Variants in ACP1 observed in about 807,000 individuals in gnomAD.
ACP1 encodes the protein low molecular weight phosphotyrosine protein phosphatase.
Under a neutral mutation model 23.4 loss-of-function variants are expected in ACP1, and 23 were observed. That is an observed-to-expected ratio of 0.98 (90% CI 0.71 to 1.39). The LOEUF is 1.39. ACP1 is among the 40% of genes most tolerant of loss of function. The pLI is 0.00. For synonymous variants in ACP1, 72 were observed against 67.2 expected, an observed-to-expected ratio of 1.07 and a Z score of -0.35; for missense variants, 180 against 197.7, an observed-to-expected ratio of 0.91 and a Z score of 0.54.
rs11691572 is a variant in ACP1, at chr2:264,985, G to C, written c.21G>C (p.Lys7Asn). 1.9e-6 allele frequency: 3 copies of C among 1,613,178 alleles called. No homozygotes were observed. Among genetic ancestry groups the C allele is most frequent in the South Asian group, 2.2e-5 (2 of 90,950 alleles). Reference sequence around the variant, plus strand: ...GGAAGATGGCGGAACAGGCTACCAAGTCCGTGCTGTTTGTGTGTCTGGGTA... The same window carrying C: ...GGAAGATGGCGGAACAGGCTACCAACTCCGTGCTGTTTGTGTGTCTGGGTA... Reference protein sequence around the residue: MAEQATKSVLFVCLGNI... With the variant: MAEQATNSVLFVCLGNI... The change falls in exon 1 of 6, where the codon AAG becomes AAC. Residue 7 changes from lysine (K) to asparagine (N), a missense_variant. By Grantham distance (94) the Lys-to-Asn change is moderately conservative (BLOSUM62 0). Around this residue, in one of 3 missense-constraint regions of ACP1, gnomAD observed 132 missense variants for 124.1 expected, o/e 1.06. Transcript: ENST00000272065.
intron 1 of ACP1, chr2:266,261 T>A (rs1669878642): frequency 6.6e-6 from 1 of 152,240 alleles, no homozygotes. Context: ...TTGTAGAAGT[T>A]AACTTCTGTG....
Position 272,170 on chromosome 2 carries a change from A to G in ACP1, c.231+20A>G. ...CGGCAGGTACCGTCCTTGGACTTGAAGTTGTGTGTTTTGTGTTTCAGTGGG... is the reference window on the plus strand; with the variant it reads ...CGGCAGGTACCGTCCTTGGACTTGAGGTTGTGTGTTTTGTGTTTCAGTGGG... On this transcript the variant is annotated intron_variant, in intron 3 of 5. Coordinates refer to ENST00000272065, the MANE Select transcript of ACP1 (RefSeq NM_004300.4). 2 of 1,614,086 alleles carry G rather than the reference A, an allele frequency of 1.2e-6. No homozygotes were observed. Among genetic ancestry groups the G allele is most frequent in the Non-Finnish European group, 1.7e-6 (2 of 1,180,018 alleles).
intron 4 of ACP1, 186 bp downstream of exon 4, chr2:275,387 T>C (rs1437194263): frequency 1.1e-5 from 4 of 375,260 alleles, no homozygotes; most frequent in Admixed American, 4.4e-5. Context: ...CTTAGGTATT[T>C]ACAAGGAAAT....
rs1456671669 is a variant in ACP1 at position 278,180 on chromosome 2, A to G, written c.*876A>G. 6.6e-6 allele frequency: 1 copy of G among 152,254 alleles called. No individual in the cohort carries two copies. Among genetic ancestry groups the G allele is most frequent in the Non-Finnish European group, 1.5e-5 (1 of 68,044 alleles). 9.4% of individuals were successfully genotyped at this position (152,254 alleles called of 1,614,324 possible). A position where few individuals can be genotyped will look rare whatever the true frequency, so the allele number is the denominator to read the frequency against. ...TTCTTCATCAGCATTTAATAAATGT[A>G]TAGGCAGATGTAAGGTAATTTCTGT... On this transcript the variant is annotated 3_prime_UTR_variant, in exon 6 of 6. Coordinates refer to ENST00000272065, the MANE Select transcript of ACP1 (RefSeq NM_004300.4).
In ACP1 at chr2:267,297, CA is replaced by C. The variant is rs551569857; in HGVS notation, c.43+2295del. On this transcript the variant is annotated intron_variant, in intron 1 of 5. Coordinates refer to ENST00000272065, the MANE Select transcript of ACP1 (RefSeq NM_004300.4). ...TAAGTGGTGTGGTGAACACAACAGA[CA>C]AAAATCCCAGCCTCTCTGGAGCTCA... Among the ~76,000 whole-genome samples the C allele has an allele frequency of 4.6e-5, 7 of 152,274 alleles. 1 individual carries two copies. The East Asian group carries it at 1.4e-3, about 29-fold the overall frequency.
intron 3 of ACP1, among the ~76,000 whole-genome samples, chr2:273,726 GTTTC>G (rs1167322291): frequency 6.6e-6 from 1 of 152,166 alleles, no homozygotes; most frequent in Non-Finnish European, 1.5e-5. Flanking sequence ...AGTTATAGCT[GTTTC>G]TTTCTCAATT....
intron 1 of ACP1, 181 bp downstream of exon 1, chr2:265,188 C>A: frequency 1.6e-6 from 1 of 609,434 alleles, no homozygotes; most frequent in Non-Finnish European, 2.7e-6. Flanking sequence ...CCCGTGCACC[C>A]GCCCAGCCTG....
At position 277,648 on chromosome 2, in the gene ACP1, G is replaced by T. The variant is rs772125300; in HGVS notation, c.*344G>T. The T allele has an allele frequency of 6.7e-6, 2 of 299,764 alleles. No homozygotes were observed. The highest frequency in any genetic ancestry group is 1.3e-5 in the Non-Finnish European group (2 of 155,508). 18.6% of individuals were successfully genotyped at this position (299,764 alleles called of 1,614,324 possible). On this transcript the variant is annotated 3_prime_UTR_variant, in exon 6 of 6. Coordinates refer to ENST00000272065, the MANE Select transcript of ACP1 (RefSeq NM_004300.4). ...CCAGGTCAACATCTAAGCCTGTTGA[G>T]ACTTAGATAATCGAGTCTACCTCTT...
chr2:271,237 C>T (rs1050617861), intron 1 of ACP1, among the ~76,000 whole-genome samples: 1 of 152,122 alleles, frequency 6.6e-6, no homozygotes, highest in Non-Finnish European at 1.5e-5. Flanking sequence ...TACAGTTGAC[C>T]CTTCAGCCAC....
chr2:272,161 T>C lies in ACP1; in HGVS notation c.231+11T>C. On this transcript the variant is annotated intron_variant, in intron 3 of 5. Transcript: ENST00000272065. The stretch of plus-strand genomic sequence containing the variant: ...CACGTTGCCCGGCAGGTACCGTCCT[T>C]GGACTTGAAGTTGTGTGTTTTGTGT... The C allele has an allele frequency of 6.2e-7, 1 of 1,614,186 alleles. No individual in the cohort carries two copies.
intron 3 of ACP1, chr2:272,754 A>G (rs933692192): frequency 4.1e-5 from 7 of 169,406 alleles, no homozygotes; most frequent in African/African-American, 2.4e-5. Flanking sequence ...ATTATAGTCT[A>G]TTGGGCCACA....
intron 5 of ACP1, 51 bp downstream of exon 5, chr2:277,136 AT>A: frequency 6.4e-7 from 1 of 1,568,628 alleles, no homozygotes; most frequent in Non-Finnish European, 8.8e-7. Flanking sequence ...ACACATTTGT[AT>A]CCTGCCATAT....
intron 3 of ACP1, among the ~76,000 whole-genome samples, chr2:273,549 A>G (rs1258974125): frequency 6.6e-6 from 1 of 152,230 alleles, no homozygotes; most frequent in Non-Finnish European, 1.5e-5. Flanking sequence ...CTTTTGTGCT[A>G]GAGCAGCACA....
intron 1 of ACP1, among the ~76,000 whole-genome samples, chr2:268,421 T>G (rs994540418): frequency 1.3e-5 from 2 of 152,250 alleles, no homozygotes; most frequent in Non-Finnish European, 2.9e-5. Context: ...TTGAGCTCCT[T>G]ACTACAGCAC....
rs1450766357 is a variant in ACP1 at position 277,067 on chromosome 2, T to G, written c.381T>G (p.Ile127Met). The change falls in exon 5 of 6, where the codon ATT becomes ATG. Residue 127 changes from isoleucine (I) to methionine (M), a missense_variant. By Grantham distance (10) the Ile-to-Met change is conservative (BLOSUM62 1). Coordinates refer to ENST00000272065, the MANE Select transcript of ACP1 (RefSeq NM_004300.4). ...GCTATGATCCACAAAAACAACTTAT[T>G]ATTGAAGATCCCTATTATGTAAGTA... ...LGSYDPQKQL[I>M]IEDPYYGNDS... 1.2e-6 allele frequency: 2 copies of G among 1,612,824 alleles called. No homozygotes were observed. Among genetic ancestry groups the G allele is most frequent in the Non-Finnish European group, 1.7e-6 (2 of 1,178,944 alleles).
chr2:268,423 C>A (rs1196726865), intron 1 of ACP1, among the ~76,000 whole-genome samples: 4 of 152,222 alleles, frequency 2.6e-5, no homozygotes, highest in Admixed American at 2.6e-4. Context: ...GAGCTCCTTA[C>A]TACAGCACAA....
chr2:277,795 A>G lies in ACP1; in HGVS notation c.*491A>G, dbSNP rs1670217701. ...CCCTCCGTAGGAGCTCACAGTCTAGATTAGAAGTGTTTTAATTTCTACACA... is the reference window on the plus strand; with the variant it reads ...CCCTCCGTAGGAGCTCACAGTCTAGGTTAGAAGTGTTTTAATTTCTACACA... On this transcript the variant is annotated 3_prime_UTR_variant, in exon 6 of 6. Transcript: ENST00000272065. 6.0e-6 allele frequency: 1 copy of G among 167,608 alleles called. No individual in the cohort carries two copies. Among genetic ancestry groups the G allele is most frequent in the African/African-American group, 2.4e-5 (1 of 41,906 alleles). The allele number at this position is 167,608 out of a possible 1,614,324, so 10.4% of individuals were successfully genotyped here.
chr2:273,487 G>A (rs1231077574), intron 3 of ACP1, among the ~76,000 whole-genome samples: 1 of 152,202 alleles, frequency 6.6e-6, no homozygotes, highest in African/African-American at 2.4e-5. Flanking sequence ...TTTATGAACA[G>A]TGTTTGTTGG....
In ACP1 at chr2:277,234, ACT is replaced by A. The variant is rs1222436626; in HGVS notation, c.410_411del (p.Ser137Ter). On this transcript the variant is annotated frameshift_variant, in exon 6 of 6. Coordinates refer to ENST00000272065, the MANE Select transcript of ACP1 (RefSeq NM_004300.4). LOFTEE classifies it high-confidence loss of function. ...TTTTTCCTGTCCATTTAGGGGAATG[ACT>A]CTGACTTTGAGACGGTGTACCAGCA... 1.2e-6 allele frequency: 2 copies of A among 1,613,996 alleles called. No homozygotes were observed. The highest frequency in any genetic ancestry group is 1.7e-6 in the Non-Finnish European group (2 of 1,179,988).
Sources: gnomAD v4.1 joint callset for allele counts (sites outside exome capture counted in the v4.1 genomes callset) on GRCh38, gnomAD v4.1.1 for gene constraint, gnomAD v4.1.1 regional missense constraint, MANE v1.5 for transcripts, NCBI Gene and HGNC (gene_info 2026-07-23, HGNC 2026-07-21) for gene names.